The following HCN1 variants were observed in gnomAD, a reference collection of about 807,000 sequenced individuals.
The protein encoded by HCN1 is hyperpolarization activated cyclic nucleotide gated potassium channel 1, also known as potassium/sodium hyperpolarization-activated cyclic nucleotide-gated channel 1.
A neutral mutation model predicts 78.9 loss-of-function variants in HCN1; 13 were observed. The observed-to-expected ratio is 0.16, with a 90% CI of 0.11 to 0.26. The LOEUF is 0.26. Among genes scored for constraint, HCN1 ranks in the 10% least tolerant of loss-of-function variants. The probability of loss-of-function intolerance (pLI) is 1.00; values close to 1 mark genes in which losing one functional copy is unlikely to be tolerated. For synonymous variants in HCN1, 552 were observed against 455.5 expected (o/e 1.21, Z -2.70); for missense variants, 810 against 1,154.3 (o/e 0.70, Z 4.32).
chr5:45,506,913 A>G (rs1443238683), intron 2 of HCN1, among the ~76,000 whole-genome samples: 1 of 152,174 alleles, frequency 6.6e-6, no homozygotes, highest in Non-Finnish European at 1.5e-5. Flanking sequence ...GTGGCCTCAA[A>G]CCTGCATACT....
chr5:45,356,101 C>A (rs2111986299), intron 4 of HCN1, among the ~76,000 whole-genome samples: 1 of 151,994 alleles, frequency 6.6e-6, no homozygotes, highest in African/African-American at 2.4e-5. Flanking sequence ...GACCGTGAAA[C>A]AAACTAGATG....
chr5:45,400,682 C>T (rs1486962925), intron 3 of HCN1, among the ~76,000 whole-genome samples: 5 of 152,136 alleles, frequency 3.3e-5, no homozygotes, highest in Admixed American at 2.0e-4. Context: ...GCTGGGATTA[C>T]AGGCATGAGC....
intron 2 of HCN1, among the ~76,000 whole-genome samples, chr5:45,633,305 TA>T (rs1282779738): frequency 1.3e-5 from 2 of 150,192 alleles, no homozygotes; most frequent in African/African-American, 4.8e-5. Context: ...TTATTTTAAA[TA>T]TTTTTTTTAA....
At chr5:45,542,783 A>G (rs370101945) in intron 2 of HCN1, among the ~76,000 whole-genome samples, 86 of 152,278 alleles carry the variant, frequency 5.6e-4, no homozygotes, top group African/African-American at 1.7e-3. Flanking sequence ...TTTTGATAAA[A>G]TTGGGAGAAG....
chr5:45,378,259 A>G (rs1222674028), intron 4 of HCN1, among the ~76,000 whole-genome samples: 1 of 152,056 alleles, frequency 6.6e-6, no homozygotes, highest in Non-Finnish European at 1.5e-5. Flanking sequence ...CAACCCTACC[A>G]TTCAGCATGT....
At chr5:45,330,203 A>G (rs1190383383) in intron 5 of HCN1, among the ~76,000 whole-genome samples, 1 of 151,288 alleles carries the variant, frequency 6.6e-6, no homozygotes, top group South Asian at 2.1e-4. Flanking sequence ...GTGCTTTTGT[A>G]TGTTCCAAGA....
intron 2 of HCN1, chr5:45,643,168 C>G (rs1319001019): frequency 1.3e-5 from 2 of 152,038 alleles, no homozygotes; most frequent in Non-Finnish European, 2.9e-5. Context: ...ATCTAGGTGC[C>G]TGTAATTACT....
At chr5:45,468,369 T>C (rs1741322596) in intron 2 of HCN1, among the ~76,000 whole-genome samples, 1 of 152,126 alleles carries the variant, frequency 6.6e-6, no homozygotes, top group South Asian at 2.1e-4. Flanking sequence ...TATAGGTGTA[T>C]ATGTTATTTT....
intron 1 of HCN1, among the ~76,000 whole-genome samples, chr5:45,663,816 T>C (rs974964419): frequency 2.0e-5 from 3 of 149,390 alleles, no homozygotes; most frequent in Non-Finnish European, 4.5e-5. Flanking sequence ...CAACAGGTGC[T>C]GGAGAGGATG....
At chr5:45,293,048 G>T (rs1235258447) in intron 6 of HCN1, among the ~76,000 whole-genome samples, 1 of 152,020 alleles carries the variant, frequency 6.6e-6, no homozygotes, top group Non-Finnish European at 1.5e-5. Flanking sequence ...ACAAAGAGAT[G>T]AAAACACATT....
At chr5:45,603,515 T>A (rs1744666740) in intron 2 of HCN1, among the ~76,000 whole-genome samples, 1 of 152,054 alleles carries the variant, frequency 6.6e-6, no homozygotes. Context: ...GGGAGCTTTT[T>A]TAATTTAATA....
intron 2 of HCN1, among the ~76,000 whole-genome samples, chr5:45,552,441 G>A (rs1388677507): frequency 6.6e-6 from 1 of 151,802 alleles, no homozygotes; most frequent in Non-Finnish European, 1.5e-5. Context: ...TGCAACTGTG[G>A]AACAAAAAAC....
intron 5 of HCN1, among the ~76,000 whole-genome samples, chr5:45,327,696 A>C (rs1319223133): frequency 6.6e-6 from 1 of 151,636 alleles, no homozygotes; most frequent in African/African-American, 2.4e-5. Context: ...GAGGTAATTA[A>C]GTTAAAATTA....
intron 2 of HCN1, among the ~76,000 whole-genome samples, chr5:45,615,362 C>A (rs1002205629): frequency 2.6e-5 from 4 of 151,956 alleles, no homozygotes; most frequent in Non-Finnish European, 5.9e-5. Flanking sequence ...ATAGGTTTTG[C>A]TCTGGACATT....
rs1158076937 is a variant in HCN1, at chr5:45,492,422, T to TAA, written c.850-30417_850-30416dup. 5.5e-3 allele frequency among the ~76,000 whole-genome samples: 753 copies of TAA among 135,788 alleles called. 5 individuals carry two copies. The highest frequency in any genetic ancestry group is 8.9e-3 in the Non-Finnish European group (556 of 62,822). The allele number at this position is 135,788 out of a possible 152,430, so 89.1% of individuals were successfully genotyped here. A position where few individuals can be genotyped will look rare whatever the true frequency, so the allele number is the denominator to read the frequency against. ...ATATATATATATATATATATATATA[T>TAA]AAAATTTGAAGTAAAATCTTCTTTT... is the stretch of plus-strand genomic sequence containing the variant. On this transcript the variant is annotated intron_variant, in intron 2 of 7. Coordinates refer to ENST00000303230, the MANE Select transcript of HCN1 (RefSeq NM_021072.4).
intron 5 of HCN1, among the ~76,000 whole-genome samples, chr5:45,312,799 G>A (rs545142870): frequency 9.8e-5 from 15 of 152,314 alleles, no homozygotes; most frequent in African/African-American, 3.6e-4. Context: ...AGAATCGCAA[G>A]GTGGCAGTGA....
rs78504191 is a variant in HCN1 at position 45,414,775 on chromosome 5, T to C, written c.1012-18065A>G. On this transcript the variant is annotated intron_variant, in intron 3 of 7. Transcript: ENST00000303230. ...CTCTTTACAATACACAGGTTCCCAT[T>C]CCTGCCTAGTGCTTATCTCAGGGCA... Among the ~76,000 whole-genome samples, 1,055 of 152,158 alleles carry C rather than the reference T, an allele frequency of 6.9e-3. 17 individuals carry two copies. The highest frequency in any genetic ancestry group is 0.024 in the African/African-American group (1,004 of 41,560).
intron 4 of HCN1, among the ~76,000 whole-genome samples, chr5:45,372,967 A>T (rs1463541391): frequency 4.3e-5 from 6 of 141,108 alleles, no homozygotes; most frequent in Non-Finnish European, 9.2e-5. Flanking sequence ...TACATAAAAG[A>T]TATAAAATAA....
chr5:45,259,415 A>T lies in HCN1; in HGVS notation c.*2506T>A, dbSNP rs2111834067. ...AGCAGCAGAAAGACCAATGAATAAT[A>T]CATTTCTTTCTGTACAGATTAAAAC... On this transcript the variant is annotated 3_prime_UTR_variant, in exon 8 of 8. Transcript: ENST00000303230. The T allele has an allele frequency of 6.6e-6, 1 of 152,566 alleles. No individual in the cohort carries two copies. Among genetic ancestry groups the T allele is most frequent in the Non-Finnish European group, 1.5e-5 (1 of 67,916 alleles). The allele number at this position is 152,566 out of a possible 1,614,324, so 9.5% of individuals were successfully genotyped here. A position where few individuals can be genotyped will look rare whatever the true frequency, so the allele number is the denominator to read the frequency against.
Sources: allele counts gnomAD v4.1 joint callset (sites outside exome capture counted in the v4.1 genomes callset), GRCh38; gene constraint gnomAD v4.1.1; transcripts MANE v1.5; gene names NCBI Gene and HGNC (gene_info 2026-07-23, HGNC 2026-07-21).